HPSE2: variants seen among roughly 807,000 people sequenced by gnomAD.
HPSE2 encodes the protein inactive heparanase-2.
In HPSE2, 38 loss-of-function variants were observed where a neutral mutation model predicts 60.5. That is an observed-to-expected ratio of 0.63 (90% CI 0.48 to 0.82). The LOEUF is 0.82. Among genes scored for constraint, HPSE2 ranks in the 40% least tolerant of loss-of-function variants. HPSE2 has a pLI of 0.00. For synonymous variants in HPSE2, 295 were observed against 293.2 expected (o/e 1.01, Z -0.06); for missense variants, 713 against 740.4 (o/e 0.96, Z 0.43).
intron 9 of HPSE2, among the ~76,000 whole-genome samples, chr10:98,499,065 C>T (rs574262933): frequency 8.1e-4 from 124 of 152,208 alleles, no homozygotes; most frequent in African/African-American, 2.7e-3. Flanking sequence ...TCTCAAAGTT[C>T]GGAAAACATA....
chr10:98,633,878 T>G (rs1180205185), intron 7 of HPSE2, among the ~76,000 whole-genome samples: 1 of 152,216 alleles, frequency 6.6e-6, no homozygotes. Flanking sequence ...TTTAAGCCAG[T>G]GTAGTCTACC....
At chr10:98,537,100 G>A (rs1943306403) in intron 9 of HPSE2, among the ~76,000 whole-genome samples, 1 of 152,216 alleles carries the variant, frequency 6.6e-6, no homozygotes, top group South Asian at 2.1e-4. Context: ...AGGAGACTTG[G>A]GGAGTAAGAT....
At chr10:99,251,127 A>C in the HPSE2 span, among the ~76,000 whole-genome samples, 3 of 152,176 alleles carry the variant, frequency 2.0e-5, no homozygotes, top group Admixed American at 2.0e-4. Flanking sequence ...AAAAATAGAG[A>C]ATATCCAAAT....
intron 3 of HPSE2, chr10:99,013,100 T>C (rs1957054439): frequency 4.7e-6 from 3 of 644,042 alleles, no homozygotes; most frequent in Admixed American, 3.8e-5. Flanking sequence ...TCAGTAGAGA[T>C]AATCTAATCT....
At chr10:99,308,849 T>C in the HPSE2 span, among the ~76,000 whole-genome samples, 29 of 152,340 alleles carry the variant, frequency 1.9e-4, no homozygotes, top group African/African-American at 7.0e-4. Context: ...ATTTGATGAA[T>C]CTAATTTTTC....
At chr10:99,060,461 C>T (rs1352256162) in intron 3 of HPSE2, among the ~76,000 whole-genome samples, 1 of 151,922 alleles carries the variant, frequency 6.6e-6, no homozygotes, top group East Asian at 1.9e-4. Flanking sequence ...GAGGTTGGGA[C>T]CAGCCTGACC....
At chr10:98,806,510 C>A (rs937390938) in intron 3 of HPSE2, among the ~76,000 whole-genome samples, 1 of 152,164 alleles carries the variant, frequency 6.6e-6, no homozygotes, top group Non-Finnish European at 1.5e-5. Flanking sequence ...CCTATGAGAC[C>A]ATGGGCAAGT....
chr10:98,819,344 T>C (rs1370397494), intron 3 of HPSE2, among the ~76,000 whole-genome samples: 6 of 152,068 alleles, frequency 3.9e-5, no homozygotes, highest in Admixed American at 2.0e-4. Flanking sequence ...AAAATGCAAA[T>C]GGTAGGAGTT....
the HPSE2 span, among the ~76,000 whole-genome samples, chr10:99,300,053 A>C: frequency 6.7e-6 from 1 of 148,414 alleles, no homozygotes; most frequent in Non-Finnish European, 1.5e-5. Context: ...AGAATTGGCC[A>C]AAAAGCACAA....
intron 3 of HPSE2, among the ~76,000 whole-genome samples, chr10:99,057,643 G>T (rs4919273): frequency 3.9e-5 from 6 of 152,034 alleles, no homozygotes; most frequent in African/African-American, 9.7e-5. Context: ...ACAACAACCA[G>T]GTCCAATCCA....
intron 3 of HPSE2, among the ~76,000 whole-genome samples, chr10:98,852,127 G>GTGTGTGTGTGTT (rs1952191770): frequency 2.3e-5 from 3 of 132,684 alleles, no homozygotes; most frequent in Non-Finnish European, 4.8e-5. Flanking sequence ...GTGTGTGTGT[G>GTGTGTGTGTGTT]TGTGTGTGTG....
intron 3 of HPSE2, among the ~76,000 whole-genome samples, chr10:98,766,869 G>A (rs1950130757): frequency 6.6e-6 from 1 of 152,086 alleles, no homozygotes; most frequent in African/African-American, 2.4e-5. Flanking sequence ...AGGCTGCAGT[G>A]AGCCATGATC....
In HPSE2 at chr10:98,920,811, G is replaced by A. The variant is rs57398812; in HGVS notation, c.611-176755C>T. On this transcript the variant is annotated intron_variant, in intron 3 of 11. Transcript: ENST00000370552. ...TTCTCAGCTTAAATAATCATAGTCT[G>A]CTCTTTGAGCTCCAGGGGCACAAGC... Among the ~76,000 whole-genome samples, 441 of 152,272 alleles carry A rather than the reference G, an allele frequency of 2.9e-3. 4 individuals are homozygous for A. Among genetic ancestry groups the A allele is most frequent in the African/African-American group, 9.9e-3 (412 of 41,556 alleles).
At chr10:99,285,961 C>T in the HPSE2 span, among the ~76,000 whole-genome samples, 2 of 152,048 alleles carry the variant, frequency 1.3e-5, no homozygotes, top group Admixed American at 1.3e-4. Flanking sequence ...TCAGCAGGCA[C>T]ATGAAAACGT....
chr10:98,995,970 T>C (rs1956632871), intron 3 of HPSE2, among the ~76,000 whole-genome samples: 1 of 152,072 alleles, frequency 6.6e-6, no homozygotes, highest in Non-Finnish European at 1.5e-5. Flanking sequence ...AAGACATTGG[T>C]AAAAACTAAG....
intron 9 of HPSE2, among the ~76,000 whole-genome samples, chr10:98,595,882 A>G (rs574006663): frequency 6.6e-6 from 1 of 152,304 alleles, no homozygotes; most frequent in Non-Finnish European, 1.5e-5. Context: ...TTCTTTGTAT[A>G]CCTAATTGTT....
intron 3 of HPSE2, among the ~76,000 whole-genome samples, chr10:98,985,745 C>G (rs1294071550): frequency 6.6e-6 from 1 of 152,032 alleles, no homozygotes; most frequent in Non-Finnish European, 1.5e-5. Context: ...TTCAGGAAAC[C>G]CATCTCATAT....
At chr10:99,272,797 A>T in the HPSE2 span, among the ~76,000 whole-genome samples, 2 of 152,214 alleles carry the variant, frequency 1.3e-5, no homozygotes, top group African/African-American at 4.8e-5. Context: ...GGATGTGGTG[A>T]AAAGGGAACA....
chr10:99,016,440 G>C (rs1957143642), intron 3 of HPSE2, among the ~76,000 whole-genome samples: 1 of 152,262 alleles, frequency 6.6e-6, no homozygotes, highest in Non-Finnish European at 1.5e-5. Flanking sequence ...CTGTAGTCCT[G>C]TGGTATAGTT....
Sources: gnomAD v4.1 joint callset for allele counts (sites outside exome capture counted in the v4.1 genomes callset) on GRCh38, gnomAD v4.1.1 for gene constraint, MANE v1.5 for transcripts, NCBI Gene and HGNC (gene_info 2026-07-23, HGNC 2026-07-21) for gene names.